SFMBT2: variants seen among roughly 807,000 people sequenced by gnomAD.
The protein encoded by SFMBT2 is scm-like with four MBT domains protein 2.
SFMBT2 carries 38 observed loss-of-function variants against 110.1 expected under a neutral mutation model. The observed-to-expected ratio is 0.35, with a 90% confidence interval of 0.27 to 0.45. The LOEUF is 0.45. Among genes scored for constraint, SFMBT2 ranks in the 20% least tolerant of loss-of-function variants. The pLI, the probability that SFMBT2 is intolerant of heterozygous loss-of-function variation, is 1.00. For synonymous variants in SFMBT2, 425 were observed against 425.4 expected (o/e 1.00, Z 0.01); for missense variants, 1,011 against 1,094.9 (o/e 0.92, Z 1.08).
intron 7 of SFMBT2, among the ~76,000 whole-genome samples, chr10:7,269,782 G>A (rs546857342): frequency 1.3e-5 from 2 of 149,714 alleles, no homozygotes; most frequent in South Asian, 4.2e-4. Flanking sequence ...CCTGCACAAA[G>A]AATACTGCTT....
chr10:7,340,580 G>C (rs1032946526), intron 4 of SFMBT2, among the ~76,000 whole-genome samples: 5 of 148,328 alleles, frequency 3.4e-5, no homozygotes, highest in Admixed American at 6.9e-5. Flanking sequence ...TTGAGCCCAG[G>C]AAGTGGAGGC....
chr10:7,278,423 T>A (rs748196703), intron 6 of SFMBT2, among the ~76,000 whole-genome samples: 5 of 151,934 alleles, frequency 3.3e-5, no homozygotes, highest in Non-Finnish European at 7.4e-5. Context: ...GGGCACTGCA[T>A]CCAAACCACG....
At chr10:7,302,687 T>A (rs932227156) in intron 4 of SFMBT2, among the ~76,000 whole-genome samples, 17 of 152,214 alleles carry the variant, frequency 1.1e-4, no homozygotes, top group Admixed American at 1.1e-3. Flanking sequence ...TAAATCAGGT[T>A]GTTATTAAAG....
intron 4 of SFMBT2, among the ~76,000 whole-genome samples, chr10:7,308,018 A>T (rs995435501): frequency 6.6e-6 from 1 of 152,206 alleles, no homozygotes; most frequent in African/African-American, 2.4e-5. Flanking sequence ...TCAAAGCCAC[A>T]TAACTTACAA....
intron 1 of SFMBT2, among the ~76,000 whole-genome samples, chr10:7,398,267 T>A (rs569158497): frequency 6.6e-6 from 1 of 152,296 alleles, no homozygotes; most frequent in East Asian, 1.9e-4. Context: ...TCAAACAATG[T>A]ATATTGCCCA....
At chr10:7,401,752 G>C (rs932023019) in intron 1 of SFMBT2, among the ~76,000 whole-genome samples, 1 of 152,164 alleles carries the variant, frequency 6.6e-6, no homozygotes, top group Non-Finnish European at 1.5e-5. Context: ...TCTTCCTGCA[G>C]GTACAAATGC....
In SFMBT2 at chr10:7,197,485, G is replaced by A. The variant is rs1240380840; in HGVS notation, c.1698+63C>T. On this transcript the variant is annotated intron_variant, in intron 15 of 20. Coordinates refer to ENST00000397167, the MANE Select transcript of SFMBT2 (RefSeq NM_001387889.1). ...ATGCCTATTCCCTCCTTCAGAAACTGAGCCCACAGCTTTTTAAAAAATCCT... is the reference window on the plus strand; with the variant it reads ...ATGCCTATTCCCTCCTTCAGAAACTAAGCCCACAGCTTTTTAAAAAATCCT... 29 of 1,577,784 alleles carry A rather than the reference G, an allele frequency of 1.8e-5. No individual in the cohort carries two copies. In the East Asian group the frequency reaches 5.2e-4, roughly 28 times the overall value.
At chr10:7,361,086 A>G (rs1844702932) in intron 4 of SFMBT2, among the ~76,000 whole-genome samples, 1 of 152,108 alleles carries the variant, frequency 6.6e-6, no homozygotes, top group Non-Finnish European at 1.5e-5. Flanking sequence ...CTGCTCTCTT[A>G]TTACTAAGCT....
intron 16 of SFMBT2, among the ~76,000 whole-genome samples, chr10:7,181,526 T>A (rs762492154): frequency 1.2e-4 from 18 of 152,204 alleles, no homozygotes; most frequent in Non-Finnish European, 1.8e-4. Context: ...TCTGTAAGTA[T>A]GAGATTGTTT....
chr10:7,333,006 A>G (rs979351802), intron 4 of SFMBT2, among the ~76,000 whole-genome samples: 12 of 152,210 alleles, frequency 7.9e-5, no homozygotes, highest in African/African-American at 2.7e-4. Context: ...AACTGGGATT[A>G]CAGGCGCACA....
rs765033876 is a variant in SFMBT2 at position 7,172,161 on chromosome 10, G to C, written c.2152-3C>G. The C allele has an allele frequency of 6.5e-7, 1 of 1,541,138 alleles. No homozygotes were observed. Among genetic ancestry groups the C allele is most frequent in the Non-Finnish European group, 8.7e-7 (1 of 1,143,382 alleles). On this transcript the variant is annotated splice_region_variant and splice_polypyrimidine_tract_variant and intron_variant, in intron 18 of 20. Transcript: ENST00000397167. The surrounding 1 kb of genome is among the most constrained non-coding windows in gnomAD (Gnocchi z 4.6). ...TCAGCGTCCTCCTCTTCACTTTCCT[G>C]GGAAGGAGGAAAAGGCATTTAAGGG...
intron 7 of SFMBT2, among the ~76,000 whole-genome samples, chr10:7,249,970 A>G (rs1840749488): frequency 6.6e-6 from 1 of 152,208 alleles, no homozygotes; most frequent in African/African-American, 2.4e-5. Context: ...AAACCCAATC[A>G]AAGGAACTGG....
chr10:7,379,331 G>A (rs1340222318), intron 2 of SFMBT2, among the ~76,000 whole-genome samples: 1 of 152,002 alleles, frequency 6.6e-6, no homozygotes, highest in East Asian at 1.9e-4. Context: ...GTGATTCCAG[G>A]ACTGGAAATA....
At chr10:7,202,827 C>A (rs1187317815) in intron 12 of SFMBT2, 1 of 985,264 alleles carries the variant, frequency 1.0e-6, no homozygotes, top group African/African-American at 1.7e-5. Context: ...CACATTAGCA[C>A]ACATGTTCAG....
intron 12 of SFMBT2, chr10:7,205,532 AC>A: frequency 1.0e-6 from 1 of 985,424 alleles, no homozygotes; most frequent in South Asian, 4.7e-5. Context: ...TCACATCAAA[AC>A]AATGAATTGT....
chr10:7,216,898 A>G (rs1406083002), intron 11 of SFMBT2, among the ~76,000 whole-genome samples: 1 of 152,264 alleles, frequency 6.6e-6, no homozygotes, highest in Non-Finnish European at 1.5e-5. Flanking sequence ...AATCAGGACC[A>G]GCCCCTCTAT....
chr10:7,302,223 C>T (rs143566550), intron 4 of SFMBT2, among the ~76,000 whole-genome samples: 136 of 152,284 alleles, frequency 8.9e-4, no homozygotes, highest in African/African-American at 3.2e-3. Context: ...AACCTACAAC[C>T]AGATAGTTAC....
intron 4 of SFMBT2, among the ~76,000 whole-genome samples, chr10:7,337,272 C>CT (rs969319710): frequency 6.6e-6 from 1 of 152,200 alleles, no homozygotes; most frequent in Non-Finnish European, 1.5e-5. Flanking sequence ...ACGTAGGCTG[C>CT]TCCCCTGCAT....
chr10:7,207,117 C>T lies in SFMBT2; in HGVS notation c.1331-1189G>A, dbSNP rs140953271. 7.9e-5 allele frequency among the ~76,000 whole-genome samples: 12 copies of T among 152,132 alleles called. 2 individuals are homozygous for T. The highest frequency in any genetic ancestry group is 2.9e-4 in the African/African-American group (12 of 41,482). The stretch of plus-strand genomic sequence containing the variant: ...GCATGCACCAGTAGTCCCAGCTACT[C>T]AGGAGGCCGAGGCAGGAGGATTGCT... On this transcript the variant is annotated intron_variant, in intron 11 of 20. Coordinates refer to ENST00000397167, the MANE Select transcript of SFMBT2 (RefSeq NM_001387889.1).
Sources: gnomAD v4.1 joint callset for allele counts (sites outside exome capture counted in the v4.1 genomes callset) on GRCh38, gnomAD v4.1.1 for gene constraint, Gnocchi (gnomAD v3.1) non-coding constraint, MANE v1.5 for transcripts, NCBI Gene and HGNC (gene_info 2026-07-23, HGNC 2026-07-21) for gene names.